TASOR: variants seen among roughly 807,000 people sequenced by gnomAD.
The protein encoded by TASOR is transcription activation suppressor.
Under a neutral mutation model 178.6 loss-of-function variants are expected in TASOR, and 53 were observed. That is an observed-to-expected ratio of 0.30 (90% confidence interval 0.24 to 0.37). TASOR has a LOEUF of 0.37. Among genes scored for constraint, TASOR ranks in the 10% least tolerant of loss-of-function variants. The pLI, the probability that TASOR is intolerant of heterozygous loss-of-function variation, is 1.00. For missense variants in TASOR, 1,815 were observed against 1,971.4 expected (o/e 0.92, Z 1.50); for synonymous variants, 713 against 696.2 (o/e 1.02, Z -0.38).
chr3:56,668,120 C>T (rs944421903), intron 6 of TASOR, among the ~76,000 whole-genome samples: 1 of 152,108 alleles, frequency 6.6e-6, no homozygotes, highest in Non-Finnish European at 1.5e-5. Context: ...GGGCAATGAT[C>T]ATATAAAAAC....
intron 1 of TASOR, among the ~76,000 whole-genome samples, chr3:56,675,383 G>A (rs1344000884): frequency 1.3e-5 from 2 of 150,340 alleles, no homozygotes; most frequent in African/African-American, 4.9e-5. Context: ...CACCATGTTG[G>A]CCAGGCTGGT....
chr3:56,664,670 C>T (rs1400504199), intron 7 of TASOR, among the ~76,000 whole-genome samples: 2 of 152,166 alleles, frequency 1.3e-5, no homozygotes, highest in Non-Finnish European at 2.9e-5. Flanking sequence ...TACATGACTT[C>T]AAATATGTAT....
At chr3:56,646,320 T>G (rs540243021) in intron 14 of TASOR, among the ~76,000 whole-genome samples, 67 of 152,300 alleles carry the variant, frequency 4.4e-4, no homozygotes, top group African/African-American at 1.5e-3. Flanking sequence ...ACAGTCTCAG[T>G]GCCAACTCTG....
chr3:56,670,202 A>G, intron 3 of TASOR, 57 bp from the exon 4 acceptor site: 1 of 1,073,140 alleles, frequency 9.3e-7, no homozygotes, highest in Non-Finnish European at 1.3e-6. Flanking sequence ...AAAACATGAA[A>G]AAATAATTTT....
intron 16 of TASOR, 75 bp downstream of exon 16, chr3:56,639,911 A>G: frequency 7.4e-7 from 1 of 1,359,630 alleles, no homozygotes; most frequent in South Asian, 1.4e-5. Flanking sequence ...TGAAATCCAC[A>G]GAAGATGGAA....
At position 56,668,449 on chromosome 3, in the gene TASOR, T is replaced by G; in HGVS notation, c.845A>C (p.Asn282Thr). The G allele has an allele frequency of 6.4e-7, 1 of 1,551,702 alleles. No homozygotes were observed. The highest frequency in any genetic ancestry group is 8.7e-7 in the Non-Finnish European group (1 of 1,146,990). ...CAAAAGTGATGTAATTCGATTGGCA[T>G]TCTTTGACACGTGACATTCATGCTT... is the stretch of plus-strand genomic sequence containing the variant. ...TPKHECHVSK[N>T]ANRITSLLAY... is the part of the protein sequence containing the mutation. The change falls in exon 6 of 24, where the codon AAT becomes ACT. Residue 282 changes from asparagine to threonine, a missense_variant. By Grantham distance (65) the Asn-to-Thr change is moderately conservative (BLOSUM62 0). This residue lies in a region of TASOR where 504 missense variants were observed against 645.3 expected (regional missense o/e 0.78). Transcript: ENST00000683822.
At position 56,682,756 on chromosome 3, in the gene TASOR, G is replaced by A; in HGVS notation, c.251C>T (p.Ala84Val). ...GGGCTCTTCGGGGCCTCTGGGCAGG[G>A]CGGCCGCGCCCGCCTCAGAGGAGTC... ...PQDSSEAGAA[A>V]LPRGPEEPER... Residue 84 changes from alanine (A) to valine (V), a missense_variant, in exon 1 of 24, where the codon GCC (alanine) becomes GTC (valine). By Grantham distance (64) the Ala-to-Val change is moderately conservative. Coordinates refer to ENST00000683822, the MANE Select transcript of TASOR (RefSeq NM_001365635.2). The A allele has an allele frequency of 6.5e-7, 1 of 1,539,044 alleles. No homozygotes were observed. The highest frequency in any genetic ancestry group is 8.8e-7 in the Non-Finnish European group (1 of 1,140,244).
chr3:56,635,312 G>T (rs2076993948), intron 17 of TASOR, among the ~76,000 whole-genome samples: 1 of 152,168 alleles, frequency 6.6e-6, no homozygotes, highest in African/African-American at 2.4e-5. Context: ...GCCAGGATAA[G>T]AATTAGAACT....
In TASOR at chr3:56,641,623, G is replaced by C. The variant is rs748747835; in HGVS notation, c.2345C>G (p.Ala782Gly). ...TGTCAGAGATGCATCAGAATGGCGC[G>C]CATTTGCTAGTGTTTCTGATAACCA... is the stretch of plus-strand genomic sequence containing the variant. ...FNWLSETLANARHSDASLTDT... is the reference protein window; with the variant it reads ...FNWLSETLANGRHSDASLTDT... The change falls in exon 15 of 24, where the codon GCG (alanine) becomes GGG (glycine). Residue 782 changes from alanine to glycine, a missense_variant. By Grantham distance (60) the Ala-to-Gly change is moderately conservative. Coordinates refer to ENST00000683822, the MANE Select transcript of TASOR (RefSeq NM_001365635.2). 1 of 1,614,122 alleles carries C rather than the reference G, an allele frequency of 6.2e-7. No homozygotes were observed. The highest frequency in any genetic ancestry group is 1.7e-5 in the Admixed American group (1 of 60,010).
intron 11 of TASOR, among the ~76,000 whole-genome samples, chr3:56,652,144 A>G (rs1187679587): frequency 5.3e-5 from 8 of 152,234 alleles, no homozygotes; most frequent in African/African-American, 1.9e-4. Context: ...TAGAGACAGA[A>G]GTAGATTAAT....
At position 56,629,352 on chromosome 3, in the gene TASOR, C is replaced by T. The variant is rs76003075; in HGVS notation, c.3748-738G>A. Among the ~76,000 whole-genome samples, 1,431 of 152,196 alleles carry T rather than the reference C, an allele frequency of 9.4e-3. 30 individuals are homozygous for T. The highest frequency in any genetic ancestry group is 0.032 in the African/African-American group (1,322 of 41,520). On this transcript the variant is annotated intron_variant, in intron 18 of 23. Coordinates refer to ENST00000683822, the MANE Select transcript of TASOR (RefSeq NM_001365635.2). ...AGGCAACCTAGAGTCTAATCATTAA[C>T]CACTCCCTAGCTCACCTTTTCCTTT...
At chr3:56,663,865 T>C (rs1239155892) in intron 7 of TASOR, 1 of 992,428 alleles carries the variant, frequency 1.0e-6, no homozygotes, top group East Asian at 1.1e-4. Context: ...CTCTTGTCAA[T>C]TATTTTGCTG....
rs554752879 is a variant in TASOR at position 56,633,330 on chromosome 3, G to A, written c.3461C>T (p.Ser1154Leu). Residue 1154 changes from serine (S) to leucine (L), a missense_variant, in exon 18 of 24, where the codon TCG (serine) becomes TTG (leucine). Coordinates refer to ENST00000683822, the MANE Select transcript of TASOR (RefSeq NM_001365635.2). ...GTTCATTTCTACTTCAGTTAAAGCCGAAGTGGAATGCTGCTCATCAGAGTT... is the reference window on the plus strand; with the variant it reads ...GTTCATTTCTACTTCAGTTAAAGCCAAAGTGGAATGCTGCTCATCAGAGTT... ...DTNSDEQHSTSALTEVEMNQP... is the reference protein window; with the variant it reads ...DTNSDEQHSTLALTEVEMNQP... 79 of 1,614,162 alleles carry A rather than the reference G, an allele frequency of 4.9e-5. No individual in the cohort carries two copies. The highest frequency in any genetic ancestry group is 3.6e-4 in the South Asian group (33 of 91,078).
intron 1 of TASOR, 76 bp from the exon 2 acceptor site, chr3:56,673,801 T>C: frequency 7.9e-7 from 1 of 1,264,248 alleles, no homozygotes; most frequent in Non-Finnish European, 1.1e-6. Flanking sequence ...TTTTTGTGGG[T>C]TAATGTAACT....
intron 17 of TASOR, among the ~76,000 whole-genome samples, chr3:56,638,503 G>A (rs1578210231): frequency 6.6e-6 from 1 of 151,992 alleles, no homozygotes; most frequent in Non-Finnish European, 1.5e-5. Flanking sequence ...ATAAATATTC[G>A]GTGACTTATC....
Position 56,633,707 on chromosome 3 carries a change from A to G in TASOR, c.3084T>C (p.Phe1028=). 1.2e-6 allele frequency: 2 copies of G among 1,614,124 alleles called. No individual in the cohort carries two copies. Among genetic ancestry groups the G allele is most frequent in the Non-Finnish European group, 1.7e-6 (2 of 1,180,028 alleles). The change falls in exon 18 of 24, where the codon TTT becomes TTC. Residue 1028 remains phenylalanine (F), a synonymous_variant. Coordinates refer to ENST00000683822, the MANE Select transcript of TASOR (RefSeq NM_001365635.2). The stretch of plus-strand genomic sequence containing the variant: ...TCAAAATCTCTTCTATCTTCCTAGA[A>G]AAGAGATTGTACTCTCCTAACACTG... ...ERTVLGEYNL[F]SRKIEEILKQ...
chr3:56,639,200 A>G (rs931031815), intron 16 of TASOR, among the ~76,000 whole-genome samples: 28 of 152,210 alleles, frequency 1.8e-4, no homozygotes, highest in African/African-American at 6.5e-4. Flanking sequence ...GTTCTAGTTT[A>G]GTTCACAGGC....
At chr3:56,634,037 T>A in intron 17 of TASOR, 71 bp from the exon 18 acceptor site, 1 of 1,282,520 alleles carries the variant, frequency 7.8e-7, no homozygotes, top group South Asian at 1.6e-5. Context: ...AACCCTTAAA[T>A]TGGGGGAAAA....
At chr3:56,669,839 C>A in intron 4 of TASOR, 48 bp from the exon 5 acceptor site, 2 of 1,311,614 alleles carry the variant, frequency 1.5e-6, no homozygotes, top group Non-Finnish European at 2.1e-6. Context: ...TTTTCAAAAT[C>A]ACTAGGACTA....
Sources: allele counts gnomAD v4.1 joint callset (sites outside exome capture counted in the v4.1 genomes callset), GRCh38; gene constraint gnomAD v4.1.1; regional missense constraint gnomAD v4.1.1; transcripts MANE v1.5; gene names NCBI Gene and HGNC (gene_info 2026-07-23, HGNC 2026-07-21).